KRCC1: variants seen among roughly 807,000 people sequenced by gnomAD.
The protein encoded by KRCC1 is lysine-rich coiled-coil protein 1.
Under a neutral mutation model 7.4 loss-of-function variants are expected in KRCC1, and 3 were observed. That is an observed-to-expected ratio of 0.40 (90% CI 0.18 to 1.04). The LOEUF (loss-of-function observed/expected upper bound fraction) is 1.04. Among genes scored for constraint, KRCC1 ranks in the 50% least tolerant of loss-of-function variants. The pLI, the probability that KRCC1 is intolerant of heterozygous loss-of-function variation, is 0.33. For missense variants in KRCC1, 277 were observed against 300.9 expected (o/e 0.92, Z 0.59); for synonymous variants, 102 against 101.6 (o/e 1.00, Z -0.02).
chr2:88,054,851 C>T (rs1014843082), intron 1 of KRCC1, among the ~76,000 whole-genome samples: 1 of 152,188 alleles, frequency 6.6e-6, no homozygotes, highest in African/African-American at 2.4e-5. Flanking sequence ...CGCCCGTAGT[C>T]CCAGCTACTC....
chr2:88,053,505 G>A (rs931606659), intron 1 of KRCC1, among the ~76,000 whole-genome samples: 5 of 152,138 alleles, frequency 3.3e-5, no homozygotes, highest in African/African-American at 1.2e-4. Flanking sequence ...AACTGCTCAG[G>A]CTTATTTATT....
intron 3 of KRCC1, among the ~76,000 whole-genome samples, chr2:88,032,776 C>T (rs1053946114): frequency 3.3e-5 from 5 of 152,028 alleles, no homozygotes; most frequent in Admixed American, 1.3e-4. Context: ...CTCAAAATAA[C>T]GAAAATAATT....
intron 1 of KRCC1, among the ~76,000 whole-genome samples, chr2:88,054,280 G>A (rs1475109789): frequency 6.6e-6 from 1 of 152,162 alleles, no homozygotes; most frequent in Non-Finnish European, 1.5e-5. Flanking sequence ...CCTCTTTTGA[G>A]CTCCTGTTGG....
In KRCC1 at chr2:88,028,382, T is replaced by G; in HGVS notation, c.182A>C (p.Gln61Pro). The G allele has an allele frequency of 6.2e-7, 1 of 1,614,164 alleles. No homozygotes were observed. The highest frequency in any genetic ancestry group is 1.1e-5 in the South Asian group (1 of 91,078). ...NSRPTYRMFD[Q>P]RLPSETIQTY... Reference sequence around the variant, plus strand: ...CTGGATGGTTTCAGATGGGAGTCTCTGGTCAAACATTCTATACGTGGGTCT... The same window carrying G: ...CTGGATGGTTTCAGATGGGAGTCTCGGGTCAAACATTCTATACGTGGGTCT... Residue 61 changes from glutamine to proline, a missense_variant, in exon 4 of 4, where the codon CAG becomes CCG. Physicochemically the swap from Gln to Pro is moderately conservative, Grantham distance 76. Coordinates refer to ENST00000347055, the MANE Select transcript of KRCC1 (RefSeq NM_016618.3).
At chr2:88,037,924 A>G (rs1466137205) in intron 1 of KRCC1, among the ~76,000 whole-genome samples, 2 of 152,244 alleles carry the variant, frequency 1.3e-5, no homozygotes, top group Non-Finnish European at 2.9e-5. Context: ...ACTTCAATCT[A>G]AAGTTCCTAA....
At chr2:88,032,505 G>A (rs2104605948) in intron 3 of KRCC1, among the ~76,000 whole-genome samples, 1 of 152,274 alleles carries the variant, frequency 6.6e-6, no homozygotes, top group East Asian at 1.9e-4. Context: ...TATACCATCA[G>A]TCTATGATGT....
chr2:88,031,028 G>C (rs1672980917), intron 3 of KRCC1, among the ~76,000 whole-genome samples: 1 of 151,908 alleles, frequency 6.6e-6, no homozygotes. Context: ...CATAAGATTT[G>C]ATAACTGGTT....
intron 2 of KRCC1, 129 bp downstream of exon 2, chr2:88,036,814 C>T (rs1317393609): frequency 6.6e-6 from 1 of 152,096 alleles, no homozygotes; most frequent in Non-Finnish European, 1.5e-5. Flanking sequence ...AAGTTATTTC[C>T]CTTTTCTGAG....
intron 3 of KRCC1, among the ~76,000 whole-genome samples, chr2:88,029,147 CA>C (rs1672944028): frequency 6.6e-6 from 1 of 152,116 alleles, no homozygotes; most frequent in South Asian, 2.1e-4. Flanking sequence ...AACCGATACA[CA>C]TGTTGCTGTC....
intron 1 of KRCC1, among the ~76,000 whole-genome samples, chr2:88,050,924 CTTTTTT>C (rs60827041): frequency 7.2e-5 from 9 of 125,368 alleles, no homozygotes; most frequent in Admixed American, 1.6e-4. Context: ...TCCTTACTTG[CTTTTTT>C]TTTTTTTTTT....
chr2:88,049,346 G>C (rs887713455), intron 1 of KRCC1, among the ~76,000 whole-genome samples: 1 of 152,168 alleles, frequency 6.6e-6, no homozygotes, highest in Non-Finnish European at 1.5e-5. Context: ...CCTTCTAATG[G>C]GTTAGTTAAT....
intron 1 of KRCC1, among the ~76,000 whole-genome samples, chr2:88,038,088 A>G (rs1240902722): frequency 6.6e-6 from 1 of 152,250 alleles, no homozygotes; most frequent in East Asian, 1.9e-4. Context: ...TTAACGGGAA[A>G]AACAATATGT....
intron 2 of KRCC1, among the ~76,000 whole-genome samples, chr2:88,036,139 G>T (rs918213800): frequency 2.0e-5 from 3 of 152,122 alleles, no homozygotes; most frequent in African/African-American, 7.2e-5. Flanking sequence ...AACCACAGCA[G>T]GCCTTATGTT....
intron 3 of KRCC1, 35 bp from the exon 4 acceptor site, chr2:88,028,620 C>A: frequency 5.5e-5 from 51 of 931,448 alleles, no homozygotes; most frequent in Non-Finnish European, 7.4e-5. Flanking sequence ...ACCAGATCAT[C>A]TTGTCCTGAG....
At chr2:88,036,019 G>A (rs952092658) in intron 2 of KRCC1, among the ~76,000 whole-genome samples, 2 of 152,096 alleles carry the variant, frequency 1.3e-5, no homozygotes, top group African/African-American at 4.8e-5. Flanking sequence ...TCAATCCAAG[G>A]CTAAGACATG....
chr2:88,045,537 G>A (rs12463898), intron 1 of KRCC1, among the ~76,000 whole-genome samples: 3,300 of 152,246 alleles, frequency 0.022, 213 homozygotes, highest in East Asian at 0.13. Context: ...AGTAATAGCA[G>A]CAGATCAATG....
intron 3 of KRCC1, among the ~76,000 whole-genome samples, chr2:88,033,305 C>A (rs1443452714): frequency 6.6e-6 from 1 of 152,174 alleles, no homozygotes; most frequent in Non-Finnish European, 1.5e-5. Flanking sequence ...AGGCAGATCA[C>A]CTGAGGTCAG....
rs530578582 is a variant in KRCC1, at chr2:88,038,571, G to A, written c.-290-1520C>T. Among the ~76,000 whole-genome samples the A allele has an allele frequency of 3.3e-5, 5 of 152,262 alleles. No homozygotes were observed. The South Asian group carries it at 1.0e-3, about 32-fold the overall frequency. On this transcript the variant is annotated intron_variant, in intron 1 of 3. Coordinates refer to ENST00000347055, the MANE Select transcript of KRCC1 (RefSeq NM_016618.3). ...GATACATGTCCAAAGGGGAAAACAT[G>A]GTGTATTGGTCTGTTCTTACACTGT...
intron 1 of KRCC1, among the ~76,000 whole-genome samples, chr2:88,047,575 C>G (rs1371933893): frequency 6.6e-6 from 1 of 152,188 alleles, no homozygotes; most frequent in Non-Finnish European, 1.5e-5. Flanking sequence ...GTCTCCCAGG[C>G]TAGAGTGCGG....
Sources: allele counts gnomAD v4.1 joint callset (sites outside exome capture counted in the v4.1 genomes callset), GRCh38; gene constraint gnomAD v4.1.1; transcripts MANE v1.5; gene names NCBI Gene and HGNC (gene_info 2026-07-23, HGNC 2026-07-21).